The following EMCN variants were observed in gnomAD, a reference collection of about 807,000 sequenced individuals.
EMCN encodes the protein endomucin, also known as MUC-14.
In EMCN, 37 loss-of-function variants were observed where a neutral mutation model predicts 38.4. The observed-to-expected ratio is 0.96, with a 90% confidence interval of 0.74 to 1.27. The LOEUF is 1.27. Ranked by LOEUF, EMCN falls within the 50% of genes most tolerant of loss-of-function variation. The pLI is 0.00. For synonymous variants in EMCN, 95 were observed against 100.8 expected (o/e 0.94, Z 0.35); for missense variants, 318 against 302.8 (o/e 1.05, Z -0.37).
At chr4:100,516,961 T>C (rs182790984) in intron 1 of EMCN, among the ~76,000 whole-genome samples, 21 of 152,246 alleles carry the variant, frequency 1.4e-4, no homozygotes, top group Non-Finnish European at 1.5e-4. Flanking sequence ...ATCTATTTTA[T>C]ATTAAAATCA....
chr4:100,416,054 T>C lies in EMCN; in HGVS notation c.690-95A>G, dbSNP rs1205953085. The stretch of plus-strand genomic sequence containing the variant: ...ACACAAACAGAATGACGAAGATACA[T>C]ATGCATATATATATATAATGTGTGT... On this transcript the variant is annotated intron_variant, in intron 9 of 11. Transcript: ENST00000296420. 12 of 671,612 alleles carry C rather than the reference T, an allele frequency of 1.8e-5. No homozygotes were observed. The Admixed American group carries it at 2.8e-4, about 15-fold the overall frequency. 41.6% of individuals were successfully genotyped at this position (671,612 alleles called of 1,614,324 possible). A position where few individuals can be genotyped will look rare whatever the true frequency, so the allele number is the denominator to read the frequency against.
intron 3 of EMCN, chr4:100,473,938 G>C (rs1371256345): frequency 2.6e-5 from 4 of 153,008 alleles, no homozygotes; most frequent in Non-Finnish European, 4.4e-5. Context: ...AGTGGTTGGA[G>C]TGAGAAAAAG....
intron 3 of EMCN, among the ~76,000 whole-genome samples, chr4:100,473,020 TA>T (rs1194204468): frequency 7.6e-4 from 36 of 47,480 alleles, no homozygotes; most frequent in African/African-American, 1.1e-3. Flanking sequence ...TATATATATA[TA>T]TTTTTTTTTT....
chr4:100,432,810 G>C (rs1476873081), intron 5 of EMCN, among the ~76,000 whole-genome samples: 1 of 151,814 alleles, frequency 6.6e-6, no homozygotes, highest in Admixed American at 6.6e-5. Context: ...ATCTTTCTTT[G>C]ATCTCTCATT....
At chr4:100,478,432 A>T (rs1728717912) in intron 2 of EMCN, among the ~76,000 whole-genome samples, 1 of 152,178 alleles carries the variant, frequency 6.6e-6, no homozygotes, top group Non-Finnish European at 1.5e-5. Flanking sequence ...TGATGATGGC[A>T]TGGTAGCTTT....
At chr4:100,455,269 T>C (rs542911525) in intron 4 of EMCN, among the ~76,000 whole-genome samples, 1 of 152,258 alleles carries the variant, frequency 6.6e-6, no homozygotes, top group East Asian at 1.9e-4. Context: ...TCGTAAACCT[T>C]CCATACATTT....
At chr4:100,472,554 A>T (rs1728505666) in intron 3 of EMCN, among the ~76,000 whole-genome samples, 1 of 152,174 alleles carries the variant, frequency 6.6e-6, no homozygotes, top group South Asian at 2.1e-4. Context: ...TGATCTACAG[A>T]TTTAATGCAA....
chr4:100,504,466 G>T (rs1729427560), intron 1 of EMCN, among the ~76,000 whole-genome samples: 1 of 152,158 alleles, frequency 6.6e-6, no homozygotes, highest in South Asian at 2.1e-4. Context: ...TCATAGACAT[G>T]ATTATATATG....
At chr4:100,434,796 G>T (rs952608659) in intron 5 of EMCN, among the ~76,000 whole-genome samples, 1 of 152,098 alleles carries the variant, frequency 6.6e-6, no homozygotes, top group Non-Finnish European at 1.5e-5. Flanking sequence ...CTCAATAGAT[G>T]CAGAAAAGGC....
intron 5 of EMCN, among the ~76,000 whole-genome samples, chr4:100,445,733 A>G (rs1430546682): frequency 6.6e-6 from 1 of 152,206 alleles, no homozygotes; most frequent in Non-Finnish European, 1.5e-5. Context: ...AACCAGAAGT[A>G]TAAAGAATAC....
At chr4:100,516,749 G>A (rs183239153) in intron 1 of EMCN, among the ~76,000 whole-genome samples, 1 of 152,126 alleles carries the variant, frequency 6.6e-6, no homozygotes, top group East Asian at 1.9e-4. Flanking sequence ...TGTTCAGGGA[G>A]GGATGTACTT....
intron 1 of EMCN, among the ~76,000 whole-genome samples, chr4:100,506,773 T>C (rs1281077857): frequency 6.6e-6 from 1 of 152,186 alleles, no homozygotes; most frequent in Non-Finnish European, 1.5e-5. Flanking sequence ...TTCTGGAAGA[T>C]AGACTGCTAA....
chr4:100,427,046 G>C (rs573343311), intron 5 of EMCN, among the ~76,000 whole-genome samples: 2 of 151,960 alleles, frequency 1.3e-5, no homozygotes, highest in Admixed American at 1.3e-4. Flanking sequence ...GGTGGCTCAC[G>C]CCTGTAATCC....
intron 2 of EMCN, among the ~76,000 whole-genome samples, chr4:100,478,916 T>G (rs920853141): frequency 6.6e-6 from 1 of 152,056 alleles, no homozygotes; most frequent in Non-Finnish European, 1.5e-5. Flanking sequence ...TGCACTTGCT[T>G]CAAAGAAGGA....
Position 100,395,372 on chromosome 4 carries a change from T to A in EMCN, c.*3041A>T, listed in dbSNP as rs561785377. 4.6e-5 allele frequency: 7 copies of A among 152,238 alleles called. No individual in the cohort carries two copies. Among genetic ancestry groups the A allele is most frequent in the African/African-American group, 1.7e-4 (7 of 41,560 alleles). The allele number at this position is 152,238 out of a possible 1,614,324, so 9.4% of individuals were successfully genotyped here. A position where few individuals can be genotyped will look rare whatever the true frequency, so the allele number is the denominator to read the frequency against. ...AGAAATTGGGGCAGAGTACACCCATTTATTGGAAAATGAGAAGTCCTGTGT... is the reference window on the plus strand; with the variant it reads ...AGAAATTGGGGCAGAGTACACCCATATATTGGAAAATGAGAAGTCCTGTGT... On this transcript the variant is annotated 3_prime_UTR_variant, in exon 12 of 12. Transcript: ENST00000296420.
In EMCN at chr4:100,487,103, A is replaced by G. The variant is rs1304579783; in HGVS notation, c.65-7064T>C. 7 of 784,338 alleles carry G rather than the reference A, an allele frequency of 8.9e-6. No individual in the cohort carries two copies. In the African/African-American group the frequency reaches 1.3e-4, roughly 15 times the overall value. 48.6% of individuals were successfully genotyped at this position (784,338 alleles called of 1,614,324 possible). On this transcript the variant is annotated intron_variant, in intron 1 of 11. Coordinates refer to ENST00000296420, the MANE Select transcript of EMCN (RefSeq NM_016242.4). Reference sequence around the variant, plus strand: ...TGGGAGGAAAAAGGAATATCTTGGCAATGCTCCTTGGCCTTCAGACACTTG... The same window carrying G: ...TGGGAGGAAAAAGGAATATCTTGGCGATGCTCCTTGGCCTTCAGACACTTG...
chr4:100,450,835 T>C lies in EMCN; in HGVS notation c.377-3264A>G, dbSNP rs112564792. Among the ~76,000 whole-genome samples, 715 of 152,054 alleles carry C rather than the reference T, an allele frequency of 4.7e-3. 7 individuals are homozygous for C. The highest frequency in any genetic ancestry group is 0.016 in the African/African-American group (681 of 41,568). ...TATTGAAGCTGGGTGGGTAATTAGA[T>C]AAATTAGTGTTTTCTAAAGTGTTGG... On this transcript the variant is annotated intron_variant, in intron 4 of 11. Transcript: ENST00000296420.
chr4:100,409,779 G>T (rs1726498272), intron 11 of EMCN, among the ~76,000 whole-genome samples: 1 of 152,166 alleles, frequency 6.6e-6, no homozygotes, highest in Admixed American at 6.5e-5. Flanking sequence ...TAGAGAGAGG[G>T]CAATTAGACC....
In EMCN at chr4:100,395,619, C is replaced by T. The variant is rs2110200058; in HGVS notation, c.*2794G>A. The T allele has an allele frequency of 6.6e-6, 1 of 152,152 alleles. No homozygotes were observed. The highest frequency in any genetic ancestry group is 2.1e-4 in the South Asian group (1 of 4,820). The allele number at this position is 152,152 out of a possible 1,614,324, so 9.4% of individuals were successfully genotyped here. ...AACATCATAAAATCTTGAATGACCACAAGTAGAGCTCAACAGAGAATAATC... is the reference window on the plus strand; with the variant it reads ...AACATCATAAAATCTTGAATGACCATAAGTAGAGCTCAACAGAGAATAATC... On this transcript the variant is annotated 3_prime_UTR_variant, in exon 12 of 12. Coordinates refer to ENST00000296420, the MANE Select transcript of EMCN (RefSeq NM_016242.4).
Sources: allele counts gnomAD v4.1 joint callset (sites outside exome capture counted in the v4.1 genomes callset), GRCh38; gene constraint gnomAD v4.1.1; transcripts MANE v1.5; gene names NCBI Gene and HGNC (gene_info 2026-07-23, HGNC 2026-07-21).